RTN4IP1: variants seen among roughly 807,000 people sequenced by gnomAD.
The protein encoded by RTN4IP1 is reticulon 4 interacting protein 1, also known as NAD(P)H oxidoreductase RTN4IP1, mitochondrial.
In RTN4IP1, 32 loss-of-function variants were observed where a neutral mutation model predicts 46.6. The observed-to-expected ratio is 0.69, with a 90% CI of 0.52 to 0.92. The LOEUF (loss-of-function observed/expected upper bound fraction) is 0.92. RTN4IP1 is among the 40% of genes least tolerant of loss of function. RTN4IP1 has a pLI of 0.00. For synonymous variants in RTN4IP1, 167 were observed against 161.8 expected, an observed-to-expected ratio of 1.03 and a Z score of -0.24; for missense variants, 424 against 485.8, an observed-to-expected ratio of 0.87 and a Z score of 1.20.
At chr6:106,623,008 T>C (rs1399826310) in intron 1 of RTN4IP1, 39 bp from the exon 2 acceptor site, 1 of 1,600,328 alleles carries the variant, frequency 6.2e-7, no homozygotes, top group South Asian at 1.1e-5. Flanking sequence ...CAAATGTAAG[T>C]ATGAAATGCT....
intron 8 of RTN4IP1, among the ~76,000 whole-genome samples, chr6:106,578,454 T>C (rs1449789725): frequency 6.6e-6 from 1 of 152,232 alleles, no homozygotes; most frequent in Non-Finnish European, 1.5e-5. Context: ...AATAGAATTT[T>C]TGCTATATCT....
In RTN4IP1 at chr6:106,629,339, C is replaced by T. The variant is rs372178764; in HGVS notation, c.-318G>A. The T allele has an allele frequency of 3.2e-4, 172 of 532,226 alleles. No individual in the cohort carries two copies. The highest frequency in any genetic ancestry group is 1.4e-3 in the Middle Eastern group (3 of 2,076). 33.0% of individuals were successfully genotyped at this position (532,226 alleles called of 1,614,324 possible). On this transcript the variant is annotated 5_prime_UTR_variant, in exon 1 of 9. Transcript: ENST00000369063. ...GGGCATTAAAAAGCAGGTGCGCAAA[C>T]CCCCTAGATCCCTGCCCTGTCCTGG...
At chr6:106,591,713 G>C (rs960514035) in intron 6 of RTN4IP1, among the ~76,000 whole-genome samples, 33 of 152,052 alleles carry the variant, frequency 2.2e-4, no homozygotes, top group African/African-American at 8.0e-4. Context: ...GACACACTGG[G>C]AACATCCACA....
chr6:106,612,947 C>T (rs548678128), intron 4 of RTN4IP1, among the ~76,000 whole-genome samples: 10 of 152,268 alleles, frequency 6.6e-5, no homozygotes, highest in African/African-American at 1.2e-4. Context: ...TCTGTAAGGG[C>T]GCACCCTTCT....
In RTN4IP1 at chr6:106,571,628, C is replaced by G. The variant is rs1775061334; in HGVS notation, c.*368G>C. 5.0e-6 allele frequency: 1 copy of G among 199,420 alleles called. No individual in the cohort carries two copies. Among genetic ancestry groups the G allele is most frequent in the Non-Finnish European group, 1.0e-5 (1 of 96,752 alleles). 12.4% of individuals were successfully genotyped at this position (199,420 alleles called of 1,614,324 possible). On this transcript the variant is annotated 3_prime_UTR_variant, in exon 9 of 9. Transcript: ENST00000369063. ...GCAGGAGAATCGCTTAAGGTCAAGG[C>G]TGCAGTGAGCTGTGATTGTGCCACT...
chr6:106,577,441 C>A (rs1775255938), intron 8 of RTN4IP1, among the ~76,000 whole-genome samples: 1 of 67,626 alleles, frequency 1.5e-5, no homozygotes, highest in African/African-American at 5.8e-5. Context: ...AAGTGAGACC[C>A]TGTCTCAAAA....
intron 4 of RTN4IP1, among the ~76,000 whole-genome samples, chr6:106,614,885 T>A (rs549222928): frequency 6.6e-6 from 1 of 152,324 alleles, no homozygotes; most frequent in East Asian, 1.9e-4. Flanking sequence ...CCTAGTCACT[T>A]AGAAAGCTAT....
At chr6:106,616,663 C>A (rs1279195572) in intron 4 of RTN4IP1, among the ~76,000 whole-genome samples, 1 of 152,140 alleles carries the variant, frequency 6.6e-6, no homozygotes, top group African/African-American at 2.4e-5. Flanking sequence ...AATGGAAAAT[C>A]CACTTTGGAC....
At chr6:106,618,254 G>A (rs182082914) in intron 4 of RTN4IP1, among the ~76,000 whole-genome samples, 109 of 151,840 alleles carry the variant, frequency 7.2e-4, no homozygotes, top group Non-Finnish European at 1.0e-3. Flanking sequence ...ACAGACTTCA[G>A]TTATGTTACC....
intron 4 of RTN4IP1, among the ~76,000 whole-genome samples, chr6:106,611,157 T>G (rs575254128): frequency 6.6e-6 from 1 of 152,296 alleles, no homozygotes; most frequent in South Asian, 2.1e-4. Flanking sequence ...AATCTCTGAA[T>G]GCCAGGGCTG....
At chr6:106,623,428 T>C (rs1238476753) in intron 1 of RTN4IP1, among the ~76,000 whole-genome samples, 1 of 152,150 alleles carries the variant, frequency 6.6e-6, no homozygotes, top group Non-Finnish European at 1.5e-5. Context: ...GAAAAATAAC[T>C]AGTGGGTATG....
At chr6:106,585,695 G>A (rs57332679) in intron 7 of RTN4IP1, among the ~76,000 whole-genome samples, 25,532 of 152,096 alleles carry the variant, frequency 0.17, 2,728 homozygotes, top group African/African-American at 0.3. Context: ...GCATGACAAT[G>A]AGGCTTTAAC....
At chr6:106,621,305 T>C in intron 3 of RTN4IP1, 120 bp downstream of exon 3, 1 of 722,018 alleles carries the variant, frequency 1.4e-6, no homozygotes, top group Non-Finnish European at 2.4e-6. Context: ...TATTCTATAT[T>C]ATCTTTTTAT....
chr6:106,590,149 C>T (rs902350837), intron 6 of RTN4IP1, among the ~76,000 whole-genome samples: 2 of 151,726 alleles, frequency 1.3e-5, no homozygotes, highest in African/African-American at 4.8e-5. Flanking sequence ...GAAACTATCT[C>T]CACAAAAAAA....
intron 8 of RTN4IP1, among the ~76,000 whole-genome samples, chr6:106,578,189 G>A (rs994662743): frequency 1.3e-5 from 2 of 152,140 alleles, no homozygotes; most frequent in Non-Finnish European, 2.9e-5. Context: ...CAAACTCTAG[G>A]TAACAATGTC....
Position 106,629,184 on chromosome 6 carries a change from G to T in RTN4IP1, c.-163C>A, listed in dbSNP as rs1582399735. On this transcript the variant is annotated 5_prime_UTR_variant, in exon 1 of 9. Transcript: ENST00000369063. The stretch of plus-strand genomic sequence containing the variant: ...ATGAAGCTAATCTAATGGAGAAACT[G>T]AAAGAAGAATACGGAACTGTTATTC... 1.6e-6 allele frequency: 1 copy of T among 635,282 alleles called. No homozygotes were observed. Among genetic ancestry groups the T allele is most frequent in the Non-Finnish European group, 2.7e-6 (1 of 369,226 alleles). The allele number at this position is 635,282 out of a possible 1,614,324, so 39.4% of individuals were successfully genotyped here.
At chr6:106,609,079 G>A (rs1024583862) in intron 4 of RTN4IP1, among the ~76,000 whole-genome samples, 4 of 152,140 alleles carry the variant, frequency 2.6e-5, no homozygotes, top group African/African-American at 9.7e-5. Context: ...TTCCCTTGAA[G>A]GACCAAGTCC....
intron 4 of RTN4IP1, among the ~76,000 whole-genome samples, chr6:106,608,804 T>C (rs1776150748): frequency 6.6e-6 from 1 of 152,184 alleles, no homozygotes; most frequent in South Asian, 2.1e-4. Flanking sequence ...GAAAAGTGCT[T>C]CAAAAATACA....
In RTN4IP1 at chr6:106,585,231, T is replaced by C. The variant is rs144191398; in HGVS notation, c.991-1811A>G. ...GCTCACACCTATAATCCCAACACTT[T>C]GGGAGACCAAGGTGGGAGGATTGCT... On this transcript the variant is annotated intron_variant, in intron 7 of 8. Transcript: ENST00000369063. 1.4e-3 allele frequency among the ~76,000 whole-genome samples: 213 copies of C among 152,328 alleles called. 3 individuals are homozygous for C. The highest frequency in any genetic ancestry group is 0.011 in the Admixed American group (173 of 15,296).
Sources: allele counts gnomAD v4.1 joint callset (sites outside exome capture counted in the v4.1 genomes callset), GRCh38; gene constraint gnomAD v4.1.1; transcripts MANE v1.5; gene names NCBI Gene and HGNC (gene_info 2026-07-23, HGNC 2026-07-21).